The following OCA2 variants were observed in gnomAD, a reference collection of about 807,000 sequenced individuals.
OCA2 encodes the protein P protein.
A neutral mutation model predicts 100.2 loss-of-function variants in OCA2; 77 were observed. The ratio of observed to expected loss-of-function variants is 0.77; its 90% confidence interval spans 0.64 to 0.93. The LOEUF (loss-of-function observed/expected upper bound fraction) is 0.93. Ranked by LOEUF, OCA2 falls within the 40% of genes least tolerant of loss-of-function variation. The pLI, the probability that OCA2 is intolerant of heterozygous loss-of-function variation, is 0.00. For missense variants in OCA2, 1,062 were observed against 1,089.1 expected (o/e 0.98, Z 0.35); for synonymous variants, 432 against 439.2 (o/e 0.98, Z 0.21).
intron 2 of OCA2, among the ~76,000 whole-genome samples, chr15:28,058,680 T>C (rs949781228): frequency 1.3e-5 from 2 of 152,244 alleles, no homozygotes; most frequent in Admixed American, 1.3e-4. Context: ...TTTATGTATG[T>C]TGCTCTTTTG....
chr15:27,723,528 C>G, the OCA2 span, among the ~76,000 whole-genome samples: 3 of 152,086 alleles, frequency 2.0e-5, no homozygotes, highest in Non-Finnish European at 4.4e-5. Context: ...GCACCCCCAC[C>G]ACCACCAAGA....
chr15:28,039,558 G>A (rs1400942996), intron 2 of OCA2, among the ~76,000 whole-genome samples: 1 of 152,178 alleles, frequency 6.6e-6, no homozygotes, highest in Non-Finnish European at 1.5e-5. Flanking sequence ...ATCAAAGGAG[G>A]AATTAGAAAA....
chr15:27,878,665 G>T (rs943666823), intron 19 of OCA2, among the ~76,000 whole-genome samples: 1 of 152,052 alleles, frequency 6.6e-6, no homozygotes, highest in Non-Finnish European at 1.5e-5. Flanking sequence ...TCAGCACTAT[G>T]ATTATGATGT....
At position 27,957,809 on chromosome 15, in the gene OCA2, C is replaced by A; in HGVS notation, c.1637-74G>T. 1 of 1,558,336 alleles carries A rather than the reference C, an allele frequency of 6.4e-7. No individual in the cohort carries two copies. The highest frequency in any genetic ancestry group is 8.8e-7 in the Non-Finnish European group (1 of 1,135,932). On this transcript the variant is annotated intron_variant, in intron 15 of 23. Coordinates refer to ENST00000354638, the MANE Select transcript of OCA2 (RefSeq NM_000275.3). The surrounding 1 kb of genome is among the most constrained non-coding windows in gnomAD (Gnocchi z 4.3). ...CAGCAACACCCTCCTCTGTTCCCCA[C>A]ACAGTCGATGCCTGACAGAGCAGAC... is the stretch of plus-strand genomic sequence containing the variant.
intron 23 of OCA2, among the ~76,000 whole-genome samples, chr15:27,789,157 T>C (rs2032959844): frequency 1.3e-5 from 2 of 150,614 alleles, no homozygotes; most frequent in African/African-American, 4.9e-5. Flanking sequence ...TATATAGCTG[T>C]GTATAGCTAT....
chr15:27,740,028 T>G, the OCA2 span, among the ~76,000 whole-genome samples: 41 of 152,346 alleles, frequency 2.7e-4, no homozygotes, highest in Non-Finnish European at 2.9e-5. Context: ...ACACTGGTTA[T>G]TTTTTGTGAT....
At position 27,986,765 on chromosome 15, in the gene OCA2, C is replaced by T; in HGVS notation, c.1183-122G>A. 9.1e-6 allele frequency: 7 copies of T among 765,766 alleles called. No homozygotes were observed. In the South Asian group the frequency reaches 9.9e-5, roughly 11 times the overall value. 47.4% of individuals were successfully genotyped at this position (765,766 alleles called of 1,614,324 possible). On this transcript the variant is annotated intron_variant, in intron 11 of 23. Coordinates refer to ENST00000354638, the MANE Select transcript of OCA2 (RefSeq NM_000275.3). ...TGAAAGCCACCACATCACCAAGCTC[C>T]TCACTCTGAGATGCAGAAAGACCGT...
At chr15:27,955,804 G>A (rs149988200) in intron 16 of OCA2, among the ~76,000 whole-genome samples, 18 of 152,186 alleles carry the variant, frequency 1.2e-4, no homozygotes, top group African/African-American at 3.4e-4. Context: ...TGCTCCTGCC[G>A]GGGTGGTCTC....
intron 23 of OCA2, among the ~76,000 whole-genome samples, chr15:27,800,887 G>C (rs2033571859): frequency 6.6e-6 from 1 of 151,182 alleles, no homozygotes; most frequent in South Asian, 2.1e-4. Context: ...AAGATTGCTT[G>C]AGGCTGGGAG....
At chr15:28,083,361 C>T (rs180737717) in intron 1 of OCA2, among the ~76,000 whole-genome samples, 18 of 152,332 alleles carry the variant, frequency 1.2e-4, no homozygotes, top group African/African-American at 3.8e-4. Flanking sequence ...TCCATATATC[C>T]TTCTCACCAT....
chr15:27,977,450 T>C (rs989456209), intron 14 of OCA2, among the ~76,000 whole-genome samples: 17 of 152,270 alleles, frequency 1.1e-4, no homozygotes, highest in African/African-American at 3.6e-4. Context: ...TTATGTGTTG[T>C]CTATGGCTGC....
At chr15:28,005,642 C>A (rs2042069936) in intron 9 of OCA2, among the ~76,000 whole-genome samples, 1 of 152,148 alleles carries the variant, frequency 6.6e-6, no homozygotes, top group Non-Finnish European at 1.5e-5. Flanking sequence ...AGTCACCTCT[C>A]CCACTGACCA....
chr15:27,740,647 G>A, the OCA2 span, among the ~76,000 whole-genome samples: 2 of 152,184 alleles, frequency 1.3e-5, no homozygotes, highest in African/African-American at 4.8e-5. Context: ...CTCATGGGGA[G>A]GACAAGCAGG....
intron 19 of OCA2, among the ~76,000 whole-genome samples, chr15:27,912,863 T>C (rs1595629323): frequency 6.6e-6 from 1 of 152,306 alleles, no homozygotes; most frequent in African/African-American, 2.4e-5. Context: ...ATGAGCCAAG[T>C]GATCGATGTT....
intron 19 of OCA2, among the ~76,000 whole-genome samples, chr15:27,876,094 T>C (rs1042822439): frequency 3.3e-5 from 5 of 152,122 alleles, no homozygotes; most frequent in Non-Finnish European, 7.4e-5. Context: ...GCTGCCAGTC[T>C]CATGGAAAAA....
At chr15:27,748,827 T>C in the OCA2 span, among the ~76,000 whole-genome samples, 1 of 152,094 alleles carries the variant, frequency 6.6e-6, no homozygotes, top group Non-Finnish European at 1.5e-5. Context: ...AAAAATATGA[T>C]AATGATAAAA....
intron 9 of OCA2, among the ~76,000 whole-genome samples, chr15:28,004,768 C>G (rs1360443551): frequency 6.7e-6 from 1 of 149,880 alleles, no homozygotes; most frequent in Non-Finnish European, 1.5e-5. Flanking sequence ...TGGTCTCACA[C>G]ACACACCCTC....
intron 23 of OCA2, among the ~76,000 whole-genome samples, chr15:27,756,778 C>T (rs2150976158): frequency 6.6e-6 from 1 of 152,250 alleles, no homozygotes; most frequent in Non-Finnish European, 1.5e-5. Context: ...AGACACCTGG[C>T]CATGTTTTAG....
chr15:27,867,530 AG>A (rs1320186439), intron 21 of OCA2, among the ~76,000 whole-genome samples: 4 of 152,244 alleles, frequency 2.6e-5, no homozygotes, highest in Non-Finnish European at 5.9e-5. Context: ...AACCTGGCAG[AG>A]GCTCAGAGCA....
Sources: gnomAD v4.1 joint callset for allele counts (sites outside exome capture counted in the v4.1 genomes callset) on GRCh38, gnomAD v4.1.1 for gene constraint, Gnocchi (gnomAD v3.1) non-coding constraint, MANE v1.5 for transcripts, NCBI Gene and HGNC (gene_info 2026-07-23, HGNC 2026-07-21) for gene names.